BLTP1: variants seen among roughly 807,000 people sequenced by gnomAD.
BLTP1 encodes the protein fragile site-associated protein.
chr4:122,209,438 A>G, the BLTP1 span: 1 of 1,165,836 alleles, frequency 8.6e-7, no homozygotes, highest in South Asian at 1.4e-5. Flanking sequence ...TGAGATCAGG[A>G]GTTCGAGACC....
At chr4:122,250,955 T>C in the BLTP1 span, 5 of 985,352 alleles carry the variant, frequency 5.1e-6, no homozygotes, top group Non-Finnish European at 6.0e-6. Flanking sequence ...AATATTTTTG[T>C]CAGTGTTTGC....
chr4:122,157,657 C>T, the BLTP1 span, among the ~76,000 whole-genome samples: 4 of 152,118 alleles, frequency 2.6e-5, no homozygotes, highest in African/African-American at 7.2e-5. Flanking sequence ...TACCAGTCTG[C>T]GGCCTGGGGG....
chr4:122,315,764 T>C, the BLTP1 span: 2 of 1,347,916 alleles, frequency 1.5e-6, no homozygotes, highest in Non-Finnish European at 2.1e-6. Context: ...TTCAGTGTTA[T>C]TTAGTATATT....
the BLTP1 span, chr4:122,264,005 TA>T: frequency 1.5e-6 from 1 of 665,880 alleles, no homozygotes; most frequent in Non-Finnish European, 1.9e-6. Flanking sequence ...TAATTAAATC[TA>T]AAACAGTATG....
the BLTP1 span, chr4:122,245,083 T>A: frequency 4.7e-5 from 76 of 1,612,154 alleles, no homozygotes; most frequent in African/African-American, 9.3e-4. Flanking sequence ...TAGATGATCT[T>A]CATGCTAAAG....
the BLTP1 span, chr4:122,260,074 T>C: frequency 4.1e-6 from 1 of 244,724 alleles, no homozygotes; most frequent in African/African-American, 2.3e-5. Context: ...AGCCTGTACT[T>C]ACACAAACCT....
the BLTP1 span, among the ~76,000 whole-genome samples, chr4:122,343,043 AT>A: frequency 6.6e-6 from 1 of 152,112 alleles, no homozygotes; most frequent in African/African-American, 2.4e-5. Flanking sequence ...TATGATATGG[AT>A]TTTTTTACAG....
the BLTP1 span, among the ~76,000 whole-genome samples, chr4:122,357,292 G>A: frequency 2.0e-5 from 3 of 152,116 alleles, no homozygotes; most frequent in Non-Finnish European, 4.4e-5. Flanking sequence ...GCTGGGGGCG[G>A]TGGCTCATGT....
the BLTP1 span, chr4:122,331,195 C>T: frequency 6.0e-5 from 84 of 1,393,666 alleles, no homozygotes; most frequent in Non-Finnish European, 7.4e-5. Flanking sequence ...CTCCATTAAA[C>T]TCACTCATGT....
chr4:122,205,471 G>A, the BLTP1 span, among the ~76,000 whole-genome samples: 2 of 151,314 alleles, frequency 1.3e-5, no homozygotes, highest in African/African-American at 2.4e-5. Flanking sequence ...ATGTCAGTCT[G>A]TGCTATAATA....
chr4:122,362,012 A>C, the BLTP1 span: 8 of 1,561,052 alleles, frequency 5.1e-6, no homozygotes, highest in Non-Finnish European at 7.0e-6. Context: ...CTTAATAATA[A>C]CTGTAATTTT....
chr4:122,348,160 C>G, the BLTP1 span, among the ~76,000 whole-genome samples: 1 of 152,096 alleles, frequency 6.6e-6, no homozygotes, highest in Non-Finnish European at 1.5e-5. Context: ...TCCATAAGAA[C>G]ACAAAAGACA....
the BLTP1 span, chr4:122,194,553 A>C: frequency 1.2e-5 from 11 of 930,280 alleles, no homozygotes; most frequent in African/African-American, 2.0e-4. Context: ...CATCTATTTA[A>C]ACTATATTGA....
chr4:122,273,646 C>T, the BLTP1 span, among the ~76,000 whole-genome samples: 1 of 151,886 alleles, frequency 6.6e-6, no homozygotes, highest in Non-Finnish European at 1.5e-5. Flanking sequence ...TAGCTTTTAT[C>T]AGTAGTCTTT....
the BLTP1 span, chr4:122,170,375 C>A: frequency 3.1e-6 from 3 of 971,048 alleles, no homozygotes; most frequent in South Asian, 1.4e-4. Context: ...AGTAATTGAA[C>A]CTTAGTTAGT....
At chr4:122,347,726 C>G in the BLTP1 span, 2 of 1,613,812 alleles carry the variant, frequency 1.2e-6, no homozygotes, top group African/African-American at 1.3e-5. Context: ...AGCCTAAAAT[C>G]CCCAGCTTCC....
the BLTP1 span, chr4:122,174,124 A>C: frequency 1.2e-6 from 1 of 835,960 alleles, no homozygotes; most frequent in African/African-American, 1.8e-5. Context: ...AGATGACTGG[A>C]GAGAACCATT....
At chr4:122,166,575 A>C in the BLTP1 span, among the ~76,000 whole-genome samples, 2 of 152,132 alleles carry the variant, frequency 1.3e-5, no homozygotes, top group Non-Finnish European at 2.9e-5. Context: ...TTGGTTCCAT[A>C]TGAACTTTAA....
At chr4:122,183,986 A>G in the BLTP1 span, among the ~76,000 whole-genome samples, 3 of 152,166 alleles carry the variant, frequency 2.0e-5, no homozygotes, top group Non-Finnish European at 4.4e-5. Flanking sequence ...GCTCCACTGT[A>G]ATCTTGTTAA....
Sources: allele counts gnomAD v4.1 joint callset (sites outside exome capture counted in the v4.1 genomes callset), GRCh38; gene constraint gnomAD v4.1.1; transcripts MANE v1.5; gene names NCBI Gene and HGNC (gene_info 2026-07-23, HGNC 2026-07-21).